The following ADAMTSL2 variants were observed in gnomAD, a reference collection of about 807,000 sequenced individuals.
ADAMTSL2 encodes ADAMTS like 2.
In ADAMTSL2, 55 loss-of-function variants were observed where a neutral mutation model predicts 117.0. The observed-to-expected ratio is 0.47, with a 90% CI of 0.38 to 0.59. ADAMTSL2 has a LOEUF of 0.59. Among genes scored for constraint, ADAMTSL2 ranks in the 20% least tolerant of loss-of-function variants. The pLI is 0.00. For synonymous variants in ADAMTSL2, 572 were observed against 566.4 expected (o/e 1.01, Z -0.14); for missense variants, 1,182 against 1,354.5 (o/e 0.87, Z 2.00).
At position 133,566,941 on chromosome 9, in the gene ADAMTSL2, A is replaced by G. The variant is rs1229885817; in HGVS notation, c.1753A>G (p.Met585Val). ...CACCCCTGTCCCCAACCCAGGGGTC[A>G]TGTCTGCGTACGCCATGTGTGTCCG... ...PCSATCTTGV[M>V]SAYAMCVRYD... The change falls in exon 13 of 19, where the codon ATG becomes GTG. Residue 585 changes from methionine (M) to valine (V), a missense_variant. By Grantham distance (21) the Met-to-Val change is conservative (BLOSUM62 1). Coordinates refer to ENST00000651351, the MANE Select transcript of ADAMTSL2 (RefSeq NM_014694.4). 1.2e-6 allele frequency: 2 copies of G among 1,607,480 alleles called. No homozygotes were observed. The highest frequency in any genetic ancestry group is 8.5e-7 in the Non-Finnish European group (1 of 1,177,560).
chr9:133,548,572 G>A (rs186864121), intron 9 of ADAMTSL2, among the ~76,000 whole-genome samples: 1 of 152,000 alleles, frequency 6.6e-6, no homozygotes, highest in East Asian at 1.9e-4. Flanking sequence ...GGAGGGCACG[G>A]GACTAGACAG....
upstream of ADAMTSL2, chr9:133,534,581 A>C (rs1026263021): frequency 8.9e-7 from 1 of 1,122,332 alleles, no homozygotes; most frequent in Non-Finnish European, 1.1e-6. Context: ...CCAGAGGCGC[A>C]GAGCGGGTTA....
rs917413064 is a variant in ADAMTSL2, at chr9:133,569,446, C to G, written c.2283C>G (p.His761Gln). ...GCGGGCAAGGCCGCACCATCAGGCA[C>G]GTGTACTGCAAGACCAGCGACGGAC... ...GSCGQGRTIRHVYCKTSDGRV... is the reference protein window; with the variant it reads ...GSCGQGRTIRQVYCKTSDGRV... Residue 761 changes from histidine (H) to glutamine (Q), a missense_variant, in exon 16 of 19, where the codon CAC becomes CAG. By Grantham distance (24) the His-to-Gln change is conservative. This residue lies in a region of ADAMTSL2 where 465 missense variants were observed against 565.3 expected (regional missense o/e 0.82). Transcript: ENST00000651351. The G allele has an allele frequency of 6.2e-7, 1 of 1,613,600 alleles. No individual in the cohort carries two copies.
chr9:133,551,812 C>CTTTTTTTTTTTTTTTTTTTTTTTTTTT (rs56225051), intron 9 of ADAMTSL2, among the ~76,000 whole-genome samples: 3 of 111,064 alleles, frequency 2.7e-5, no homozygotes, highest in African/African-American at 3.8e-5. Context: ...AAAGCAGCAG[C>CTTTTTTTTTTTTTTTTTTTTTTTTTTT]TTTTTTTTTT....
intron 11 of ADAMTSL2, among the ~76,000 whole-genome samples, chr9:133,560,328 C>A (rs939964736): frequency 6.6e-6 from 1 of 152,210 alleles, no homozygotes; most frequent in Non-Finnish European, 1.5e-5. Context: ...TGCTGTCCAC[C>A]GCGCCGGCTT....
At chr9:133,553,058 G>T (rs1369010135) in intron 9 of ADAMTSL2, among the ~76,000 whole-genome samples, 3 of 152,218 alleles carry the variant, frequency 2.0e-5, no homozygotes, top group Non-Finnish European at 4.4e-5. Context: ...GGCTGGGAGA[G>T]GAGGGCAGGC....
chr9:133,566,625 T>G (rs1241897548), intron 12 of ADAMTSL2, among the ~76,000 whole-genome samples: 1 of 151,324 alleles, frequency 6.6e-6, no homozygotes, highest in South Asian at 2.1e-4. Context: ...GGGGGACACC[T>G]GACTGTGTTT....
intron 3 of ADAMTSL2, among the ~76,000 whole-genome samples, chr9:133,537,939 C>T (rs1448249743): frequency 6.6e-6 from 1 of 152,184 alleles, no homozygotes; most frequent in African/African-American, 2.4e-5. Flanking sequence ...GGACCTGGCT[C>T]CTATCTAGCC....
chr9:133,566,796 C>T (rs1830984521), intron 12 of ADAMTSL2, 140 bp from the exon 13 acceptor site: 6 of 1,132,588 alleles, frequency 5.3e-6, no homozygotes, highest in Admixed American at 2.0e-5. Context: ...CCTCATGCCA[C>T]AGTTGCACAA....
At position 133,554,835 on chromosome 9, in the gene ADAMTSL2, G is replaced by T; in HGVS notation, c.1276+142G>T. Reference sequence around the variant, plus strand: ...CCAGCTACCTGCAGATGTCCTCTGGGCAGGCACAGGGTTGAGGACTTGGGA... The same window carrying T: ...CCAGCTACCTGCAGATGTCCTCTGGTCAGGCACAGGGTTGAGGACTTGGGA... On this transcript the variant is annotated intron_variant, in intron 10 of 18. Transcript: ENST00000651351. The surrounding 1 kb of genome is among the most constrained non-coding windows in gnomAD (Gnocchi z 5.2). The T allele has an allele frequency of 1.4e-6, 1 of 735,140 alleles. No individual in the cohort carries two copies. Among genetic ancestry groups the T allele is most frequent in the Non-Finnish European group, 2.2e-6 (1 of 461,268 alleles). 45.5% of individuals were successfully genotyped at this position (735,140 alleles called of 1,614,324 possible).
chr9:133,562,124 C>G (rs1285949531), intron 12 of ADAMTSL2, among the ~76,000 whole-genome samples: 2 of 152,232 alleles, frequency 1.3e-5, no homozygotes, highest in Non-Finnish European at 2.9e-5. Flanking sequence ...CCAGTGCCAC[C>G]CATTTGCCAG....
In ADAMTSL2 at chr9:133,544,516, G is replaced by A; in HGVS notation, c.729G>A (p.Gln243=). The change falls in exon 8 of 19, where the codon CAG becomes CAA. Residue 243 remains glutamine (Q), a synonymous_variant. Transcript: ENST00000651351. ...THIPAGARDI[Q]IVERKKSADV... ...TCCCGGCTGGTGCCCGAGACATCCA[G>A]ATTGTAGAGAGGAAGAAGTCCGCTG... 6.2e-7 allele frequency: 1 copy of A among 1,614,210 alleles called. No homozygotes were observed. Among genetic ancestry groups the A allele is most frequent in the Non-Finnish European group, 8.5e-7 (1 of 1,180,036 alleles).
Position 133,534,874 on chromosome 9 carries a change from C to T in ADAMTSL2, c.-194C>T, listed in dbSNP as rs948148605. ...CTGGCGCCGTCTGCCCTCCGCAGCGCTCGCCCCTTTCTCTGGGAGGACAAC... is the reference window on the plus strand; with the variant it reads ...CTGGCGCCGTCTGCCCTCCGCAGCGTTCGCCCCTTTCTCTGGGAGGACAAC... On this transcript the variant is annotated 5_prime_UTR_variant, in exon 1 of 19. Coordinates refer to ENST00000651351, the MANE Select transcript of ADAMTSL2 (RefSeq NM_014694.4). 16 of 1,475,086 alleles carry T rather than the reference C, an allele frequency of 1.1e-5. No individual in the cohort carries two copies. In the African/African-American group the frequency reaches 1.2e-4, roughly 11 times the overall value. 91.4% of individuals were successfully genotyped at this position (1,475,086 alleles called of 1,614,324 possible).
At position 133,569,430 on chromosome 9, in the gene ADAMTSL2, G is replaced by A; in HGVS notation, c.2267G>A (p.Gly756Asp). The A allele has an allele frequency of 6.2e-7, 1 of 1,613,496 alleles. No homozygotes were observed. Among genetic ancestry groups the A allele is most frequent in the South Asian group, 1.1e-5 (1 of 91,070 alleles). ...WGPCSGSCGQ[G>D]RTIRHVYCKT... The stretch of plus-strand genomic sequence containing the variant: ...CAGTGCAGTGGAAGCTGCGGGCAAG[G>A]CCGCACCATCAGGCACGTGTACTGC... The change falls in exon 16 of 19, where the codon GGC (glycine) becomes GAC (aspartate). Residue 756 changes from glycine to aspartate, a missense_variant. Physicochemically the swap from Gly to Asp is moderately conservative, Grantham distance 94. Around this residue, in one of 3 missense-constraint regions of ADAMTSL2, gnomAD observed 465 missense variants for 565.3 expected, o/e 0.82. Coordinates refer to ENST00000651351, the MANE Select transcript of ADAMTSL2 (RefSeq NM_014694.4).
At chr9:133,565,855 A>ACT (rs1320269730) in intron 12 of ADAMTSL2, among the ~76,000 whole-genome samples, 1 of 151,514 alleles carries the variant, frequency 6.6e-6, no homozygotes, top group Non-Finnish European at 1.5e-5. Context: ...ACACACACAC[A>ACT]CACACACACA....
intron 8 of ADAMTSL2, among the ~76,000 whole-genome samples, 166 bp from the exon 9 acceptor site, chr9:133,546,872 C>T (rs1000522950): frequency 7.2e-5 from 11 of 152,168 alleles, no homozygotes; most frequent in South Asian, 2.1e-4. Context: ...GTTTGCCCCT[C>T]CTCCGCATTC....
chr9:133,554,459 G>T lies in ADAMTSL2; in HGVS notation c.1042G>T (p.Glu348Ter). The change falls in exon 10 of 19, where the codon GAG becomes TAG. Residue 348 changes from glutamate to a stop codon, truncating the protein, a stop_gained. Coordinates refer to ENST00000651351, the MANE Select transcript of ADAMTSL2 (RefSeq NM_014694.4). LOFTEE classifies it high-confidence loss of function. The surrounding 1 kb of genome is among the most constrained non-coding windows in gnomAD (Gnocchi z 5.2). ...CCAGCCCATCTACTATGGCTTCTCC[G>T]AGAGCGCTGAGAGCCAGGGCCTGGA... ...RPQPIYYGFS[E>*]SAESQGLDGA... The T allele has an allele frequency of 6.4e-7, 1 of 1,555,602 alleles. No individual in the cohort carries two copies. The highest frequency in any genetic ancestry group is 8.7e-7 in the Non-Finnish European group (1 of 1,150,074).
chr9:133,574,019 G>T, intron 18 of ADAMTSL2, 32 bp downstream of exon 18: 1 of 1,597,168 alleles, frequency 6.3e-7, no homozygotes, highest in African/African-American at 1.3e-5. Context: ...GGTGGCTCTG[G>T]GAATTCCCAG....
At chr9:133,540,379 C>G (rs1830187341) in intron 5 of ADAMTSL2, among the ~76,000 whole-genome samples, 1 of 152,206 alleles carries the variant, frequency 6.6e-6, no homozygotes, top group South Asian at 2.1e-4. Context: ...CTGCTCCCCA[C>G]TCACGAGGAG....
Sources: allele counts gnomAD v4.1 joint callset (sites outside exome capture counted in the v4.1 genomes callset), GRCh38; gene constraint gnomAD v4.1.1; regional missense constraint gnomAD v4.1.1; non-coding constraint Gnocchi (gnomAD v3.1); transcripts MANE v1.5; gene names NCBI Gene and HGNC (gene_info 2026-07-23, HGNC 2026-07-21).